Variants in PARD3 observed in about 807,000 individuals in gnomAD.
PARD3 encodes the protein par-3 family cell polarity regulator, also known as partitioning defective 3 homolog.
In PARD3, 75 loss-of-function variants were observed where a neutral mutation model predicts 155.4. That is an observed-to-expected ratio of 0.48 (90% CI 0.40 to 0.58). The LOEUF (loss-of-function observed/expected upper bound fraction) is 0.58. Among genes scored for constraint, PARD3 ranks in the 20% least tolerant of loss-of-function variants. The pLI, the probability that PARD3 is intolerant of heterozygous loss-of-function variation, is 0.00. For synonymous variants in PARD3, 576 were observed against 610.5 expected (o/e 0.94, Z 0.83); for missense variants, 1,642 against 1,721.7 (o/e 0.95, Z 0.82).
In PARD3 at chr10:34,450,229, C is replaced by G; in HGVS notation, c.714+88G>C. The stretch of plus-strand genomic sequence containing the variant: ...GTTAGAATAATTAACTTTTAATCAT[C>G]ACCAGTGATTGAGATGGGAGAAACA... On this transcript the variant is annotated intron_variant, in intron 5 of 24. Transcript: ENST00000374788. 4 of 1,218,720 alleles carry G rather than the reference C, an allele frequency of 3.3e-6. No homozygotes were observed. In the South Asian group the frequency reaches 4.5e-5, roughly 14 times the overall value. 75.5% of individuals were successfully genotyped at this position (1,218,720 alleles called of 1,614,324 possible).
intron 3 of PARD3, among the ~76,000 whole-genome samples, chr10:34,495,047 A>G (rs556705948): frequency 6.6e-6 from 1 of 152,262 alleles, no homozygotes; most frequent in East Asian, 1.9e-4. Flanking sequence ...CAATTTGCCT[A>G]CTGAAGACAA....
intron 2 of PARD3, among the ~76,000 whole-genome samples, chr10:34,636,039 G>C (rs978877412): frequency 6.6e-6 from 1 of 150,660 alleles, no homozygotes; most frequent in Non-Finnish European, 1.5e-5. Flanking sequence ...AGAAGAAGAA[G>C]AAAGAAAGAA....
intron 22 of PARD3, among the ~76,000 whole-genome samples, chr10:34,249,401 TTAA>T (rs1362546409): frequency 6.6e-6 from 1 of 152,194 alleles, no homozygotes; most frequent in Non-Finnish European, 1.5e-5. Context: ...CTAGTGAAAG[TTAA>T]TAATATGCAC....
intron 5 of PARD3, among the ~76,000 whole-genome samples, chr10:34,404,594 C>T (rs1844244670): frequency 6.6e-6 from 1 of 151,708 alleles, no homozygotes; most frequent in Admixed American, 6.6e-5. Flanking sequence ...GACAATACAG[C>T]CATTTGTTTT....
chr10:34,526,184 C>T (rs1478927349), intron 2 of PARD3, among the ~76,000 whole-genome samples: 2 of 151,184 alleles, frequency 1.3e-5, no homozygotes, highest in Non-Finnish European at 2.9e-5. Context: ...CAGACACACA[C>T]ACAGCCTCTC....
intron 6 of PARD3, 55 bp downstream of exon 6, chr10:34,401,771 A>G (rs1843908011): frequency 9.3e-6 from 10 of 1,073,276 alleles, no homozygotes; most frequent in Non-Finnish European, 1.3e-5. Context: ...TACTTGCTGC[A>G]ATTAATGATG....
chr10:34,306,452 C>T (rs1161420534), intron 20 of PARD3, among the ~76,000 whole-genome samples: 2 of 151,992 alleles, frequency 1.3e-5, no homozygotes, highest in Non-Finnish European at 1.5e-5. Flanking sequence ...GAGTTTGAGA[C>T]CAGCCTGACC....
intron 5 of PARD3, among the ~76,000 whole-genome samples, chr10:34,441,331 G>A (rs2076451171): frequency 6.6e-6 from 1 of 152,198 alleles, no homozygotes; most frequent in Non-Finnish European, 1.5e-5. Flanking sequence ...ACTGGAATGT[G>A]TGCTGTGTCA....
intron 21 of PARD3, among the ~76,000 whole-genome samples, chr10:34,277,882 T>A (rs1042334880): frequency 1.3e-5 from 2 of 152,020 alleles, no homozygotes; most frequent in Non-Finnish European, 2.9e-5. Context: ...AGACTGAAAG[T>A]GAGGGTAGAA....
At chr10:34,371,608 T>C (rs184142217) in intron 12 of PARD3, among the ~76,000 whole-genome samples, 65 of 151,232 alleles carry the variant, frequency 4.3e-4, no homozygotes, top group African/African-American at 1.5e-3. Flanking sequence ...ATGAAACCTG[T>C]TTATTATGTT....
At chr10:34,810,027 A>G (rs1843916596) in intron 1 of PARD3, among the ~76,000 whole-genome samples, 1 of 152,148 alleles carries the variant, frequency 6.6e-6, no homozygotes, top group Admixed American at 6.5e-5. Context: ...CATTGTTACT[A>G]ATCAACAGTC....
chr10:34,175,200 C>A (rs1260118874), intron 22 of PARD3, among the ~76,000 whole-genome samples: 1 of 152,178 alleles, frequency 6.6e-6, no homozygotes. Flanking sequence ...ACAAAACCCA[C>A]ATTAACTTCA....
chr10:34,618,688 T>C (rs542453662), intron 2 of PARD3, among the ~76,000 whole-genome samples: 1 of 152,344 alleles, frequency 6.6e-6, no homozygotes, highest in South Asian at 2.1e-4. Context: ...CCTTCCTGAC[T>C]GACTGTTTCC....
chr10:34,461,734 C>T (rs2077666782), intron 4 of PARD3, among the ~76,000 whole-genome samples: 2 of 152,308 alleles, frequency 1.3e-5, no homozygotes, highest in African/African-American at 4.8e-5. Flanking sequence ...CTGGTTCTCT[C>T]CCCTAAGTCA....
intron 5 of PARD3, among the ~76,000 whole-genome samples, chr10:34,426,025 G>C (rs1343798699): frequency 1.3e-5 from 2 of 151,922 alleles, no homozygotes; most frequent in Non-Finnish European, 2.9e-5. Flanking sequence ...AATCAATACT[G>C]AACACCAAAG....
chr10:34,613,358 A>G (rs76287747), intron 2 of PARD3, among the ~76,000 whole-genome samples: 2,095 of 152,310 alleles, frequency 0.014, 58 homozygotes, highest in African/African-American at 0.047. Context: ...ACAAAGATAT[A>G]TAAAAAGAAA....
At chr10:34,201,902 C>T (rs916773521) in intron 22 of PARD3, 1 of 152,208 alleles carries the variant, frequency 6.6e-6, no homozygotes, top group African/African-American at 2.4e-5. Flanking sequence ...AGGATCCCCA[C>T]CCCAGTGCAC....
At position 34,380,577 on chromosome 10, in the gene PARD3, T is replaced by C. The variant is rs192563080; in HGVS notation, c.1399+1963A>G. ...ATTATTTTCCTTTTTTTGGAGAATC[T>C]GTATTCTGTTTAATACTTTACCTTT... On this transcript the variant is annotated intron_variant, in intron 9 of 24. Transcript: ENST00000374788. Among the ~76,000 whole-genome samples, 337 of 152,288 alleles carry C rather than the reference T, an allele frequency of 2.2e-3. 2 individuals carry two copies. The highest frequency in any genetic ancestry group is 3.4e-3 in the Middle Eastern group (1 of 294).
intron 22 of PARD3, among the ~76,000 whole-genome samples, chr10:34,182,129 T>C (rs577016607): frequency 6.6e-6 from 1 of 152,150 alleles, no homozygotes; most frequent in Non-Finnish European, 1.5e-5. Context: ...TGAAAGAAAG[T>C]GCTTGTCTTG....
Sources: gnomAD v4.1 joint callset for allele counts (sites outside exome capture counted in the v4.1 genomes callset) on GRCh38, gnomAD v4.1.1 for gene constraint, MANE v1.5 for transcripts, NCBI Gene and HGNC (gene_info 2026-07-23, HGNC 2026-07-21) for gene names.